ANGPT2: variants seen among roughly 807,000 people sequenced by gnomAD.
ANGPT2 encodes the protein angiopoietin-2.
A neutral mutation model predicts 62.9 loss-of-function variants in ANGPT2; 28 were observed. That is an observed-to-expected ratio of 0.44 (90% confidence interval 0.33 to 0.61). The LOEUF is 0.61. ANGPT2 is among the 20% of genes least tolerant of loss of function. ANGPT2 has a pLI of 0.03. For missense variants in ANGPT2, 727 were observed against 594.9 expected (o/e 1.22, Z -2.31); for synonymous variants, 284 against 207.8 (o/e 1.37, Z -3.15).
At chr8:6,537,642 A>T (rs1345333677) in intron 1 of ANGPT2, among the ~76,000 whole-genome samples, 1 of 152,000 alleles carries the variant, frequency 6.6e-6, no homozygotes, top group Admixed American at 6.6e-5. Context: ...TGAATGATCA[A>T]ATTTGACAGG....
At chr8:6,525,580 A>T in intron 3 of ANGPT2, among the ~76,000 whole-genome samples, 1 of 152,204 alleles carries the variant, frequency 6.6e-6, no homozygotes, top group East Asian at 1.9e-4. Context: ...ATTATAAAAG[A>T]TTATTTAAAA....
At chr8:6,560,270 C>G (rs547728228) in intron 1 of ANGPT2, among the ~76,000 whole-genome samples, 24 of 152,082 alleles carry the variant, frequency 1.6e-4, no homozygotes, top group Non-Finnish European at 1.2e-4. Context: ...CATGAAAAAC[C>G]CAGAATTGTG....
intron 1 of ANGPT2, among the ~76,000 whole-genome samples, chr8:6,551,785 G>C (rs1024848085): frequency 1.3e-5 from 2 of 152,162 alleles, no homozygotes; most frequent in African/African-American, 2.4e-5. Context: ...ATTAGCTTGT[G>C]GTTGGGATTT....
chr8:6,518,332 T>A (rs1209743995), intron 5 of ANGPT2, among the ~76,000 whole-genome samples: 4 of 152,184 alleles, frequency 2.6e-5, no homozygotes, highest in African/African-American at 9.7e-5. Flanking sequence ...GCAAAAGAGA[T>A]TGAAAGGCTT....
chr8:6,553,690 C>G (rs1824082423), intron 1 of ANGPT2, among the ~76,000 whole-genome samples: 1 of 151,294 alleles, frequency 6.6e-6, no homozygotes. Context: ...TTTACCTCTC[C>G]CCTTTTCCTT....
At chr8:6,538,465 A>G (rs569740300) in intron 1 of ANGPT2, among the ~76,000 whole-genome samples, 1 of 152,164 alleles carries the variant, frequency 6.6e-6, no homozygotes, top group African/African-American at 2.4e-5. Context: ...GCCTGAGGAT[A>G]AGGTCCAGAT....
At chr8:6,510,438 T>G (rs146756463) in intron 7 of ANGPT2, among the ~76,000 whole-genome samples, 116 of 152,308 alleles carry the variant, frequency 7.6e-4, no homozygotes, top group African/African-American at 2.7e-3. Flanking sequence ...GCTGCCACAT[T>G]GGAATAATAT....
Position 6,504,166 on chromosome 8 carries a change from A to G in ANGPT2, c.1328-905T>C, listed in dbSNP as rs1309456411. Among the ~76,000 whole-genome samples, 3 of 151,766 alleles carry G rather than the reference A, an allele frequency of 2.0e-5. No homozygotes were observed. The South Asian group carries it at 6.3e-4, about 32-fold the overall frequency. On this transcript the variant is annotated intron_variant, in intron 8 of 8. Coordinates refer to ENST00000629816, the MANE Select transcript of ANGPT2 (RefSeq NM_001118887.2). Reference sequence around the variant, plus strand: ...ACCCCGTCTCTACTAAAAATACAAAAAATTAGCCGGGCGTGGTGGCGGACG... The same window carrying G: ...ACCCCGTCTCTACTAAAAATACAAAGAATTAGCCGGGCGTGGTGGCGGACG...
At chr8:6,561,405 A>T (rs572478039) in intron 1 of ANGPT2, among the ~76,000 whole-genome samples, 1 of 152,348 alleles carries the variant, frequency 6.6e-6, no homozygotes, top group East Asian at 1.9e-4. Context: ...CATGACTCAA[A>T]TAATAACTTA....
At chr8:6,504,006 T>G (rs930600049) in intron 8 of ANGPT2, among the ~76,000 whole-genome samples, 1 of 152,120 alleles carries the variant, frequency 6.6e-6, no homozygotes, top group African/African-American at 2.4e-5. Context: ...AAATATTAAA[T>G]GGAAAAATCT....
rs537532863 is a variant in ANGPT2 at position 6,560,728 on chromosome 8, G to A, written c.288+1919C>T. ...ACCTGGAAAGGAAGAAATTTTGGTCGCCTAACATAGAACTCGTTGTCTTTT... is the reference window on the plus strand; with the variant it reads ...ACCTGGAAAGGAAGAAATTTTGGTCACCTAACATAGAACTCGTTGTCTTTT... On this transcript the variant is annotated intron_variant, in intron 1 of 8. Transcript: ENST00000629816. Among the ~76,000 whole-genome samples the A allele has an allele frequency of 3.3e-5, 5 of 152,312 alleles. No individual in the cohort carries two copies. The South Asian group carries it at 8.3e-4, about 25-fold the overall frequency.
chr8:6,556,772 G>A (rs1208743830), intron 1 of ANGPT2, among the ~76,000 whole-genome samples: 1 of 152,094 alleles, frequency 6.6e-6, no homozygotes, highest in East Asian at 1.9e-4. Context: ...TGCCATTGTA[G>A]AGATGGGGGT....
chr8:6,556,526 C>G (rs1428287680), intron 1 of ANGPT2, among the ~76,000 whole-genome samples: 2 of 151,818 alleles, frequency 1.3e-5, no homozygotes, highest in Non-Finnish European at 2.9e-5. Context: ...TTTACCCCTT[C>G]TGTGCAGCAC....
In ANGPT2 at chr8:6,542,291, GGTGTGT is replaced by G. The variant is rs59101845; in HGVS notation, c.289-9810_289-9805del. Among the ~76,000 whole-genome samples, 4 of 150,046 alleles carry G rather than the reference GGTGTGT, an allele frequency of 2.7e-5. No homozygotes were observed. In the South Asian group the frequency reaches 6.3e-4, roughly 24 times the overall value. ...CATTTGTCTACACATGTGAGGTAGG[GGTGTGT>G]GTGTGTGTGTGTGTATCTGTGTGTG... On this transcript the variant is annotated intron_variant, in intron 1 of 8. Transcript: ENST00000629816.
chr8:6,559,627 A>T (rs755423385), intron 1 of ANGPT2, among the ~76,000 whole-genome samples: 5 of 152,178 alleles, frequency 3.3e-5, no homozygotes, highest in Admixed American at 6.5e-5. Flanking sequence ...GGTATGAGGC[A>T]CTCATCAGTG....
chr8:6,560,329 TA>T (rs1171861857), intron 1 of ANGPT2, among the ~76,000 whole-genome samples: 2 of 152,232 alleles, frequency 1.3e-5, no homozygotes, highest in African/African-American at 4.8e-5. Flanking sequence ...GTTGTAATGA[TA>T]ACCCTTTAAC....
At chr8:6,526,426 C>A (rs1490960279) in intron 3 of ANGPT2, among the ~76,000 whole-genome samples, 1 of 151,644 alleles carries the variant, frequency 6.6e-6, no homozygotes, top group African/African-American at 2.4e-5. Context: ...CAGAGTGAGA[C>A]CCTGTCTCAA....
intron 5 of ANGPT2, among the ~76,000 whole-genome samples, chr8:6,515,318 G>A (rs1026854562): frequency 2.0e-5 from 3 of 152,238 alleles, no homozygotes; most frequent in Admixed American, 2.0e-4. Flanking sequence ...CTTCCTTTAT[G>A]TGCAATACTA....
chr8:6,530,794 T>C (rs1432653530), intron 2 of ANGPT2, among the ~76,000 whole-genome samples: 1 of 152,210 alleles, frequency 6.6e-6, no homozygotes, highest in Non-Finnish European at 1.5e-5. Context: ...CACTACTGTT[T>C]TCTCTGACCT....
Sources: gnomAD v4.1 joint callset for allele counts (sites outside exome capture counted in the v4.1 genomes callset) on GRCh38, gnomAD v4.1.1 for gene constraint, MANE v1.5 for transcripts, NCBI Gene and HGNC (gene_info 2026-07-23, HGNC 2026-07-21) for gene names.